The following C1orf21 variants were observed in gnomAD, a reference collection of about 807,000 sequenced individuals.
C1orf21 encodes chromosome 1 open reading frame 21.
Under a neutral mutation model 18.7 loss-of-function variants are expected in C1orf21, and 3 were observed. The ratio of observed to expected loss-of-function variants is 0.16; its 90% confidence interval spans 0.07 to 0.42. C1orf21 has a LOEUF of 0.42. Ranked by LOEUF, C1orf21 falls within the 10% of genes least tolerant of loss-of-function variation. C1orf21 has a pLI of 0.99. For missense variants in C1orf21, 104 were observed against 143.6 expected, an observed-to-expected ratio of 0.72 and a Z score of 1.41; for synonymous variants, 41 against 46.4, an observed-to-expected ratio of 0.88 and a Z score of 0.47.
intron 3 of C1orf21, among the ~76,000 whole-genome samples, chr1:184,531,179 C>A (rs1658457202): frequency 6.6e-6 from 1 of 152,310 alleles, no homozygotes; most frequent in South Asian, 2.1e-4. Flanking sequence ...GAACACAGAG[C>A]ATTTCCCATC....
At chr1:184,456,037 A>G (rs1452295249) in intron 1 of C1orf21, among the ~76,000 whole-genome samples, 1 of 152,128 alleles carries the variant, frequency 6.6e-6, no homozygotes, top group Non-Finnish European at 1.5e-5. Flanking sequence ...GCCAGAGGTA[A>G]GACCCTCTCA....
At chr1:184,396,811 A>G (rs1434687225) in intron 1 of C1orf21, among the ~76,000 whole-genome samples, 1 of 152,074 alleles carries the variant, frequency 6.6e-6, no homozygotes, top group African/African-American at 2.4e-5. Flanking sequence ...AGTTTATTTG[A>G]TTAATGCTAA....
rs1209733912 is a variant in C1orf21 at position 184,624,506 on chromosome 1, CTG to C, written c.*4952_*4953del. ...CCAAGTCTTGTTGTTTCATCACAAA[CTG>C]TATCTTTTTAAGGTTAAAAGTCTTG... On this transcript the variant is annotated 3_prime_UTR_variant, in exon 6 of 6. Transcript: ENST00000235307. 2 of 152,146 alleles carry C rather than the reference CTG, an allele frequency of 1.3e-5. No homozygotes were observed. Among genetic ancestry groups the C allele is most frequent in the Non-Finnish European group, 2.9e-5 (2 of 68,036 alleles). The allele number at this position is 152,146 out of a possible 1,614,324, so 9.4% of individuals were successfully genotyped here.
chr1:184,615,063 T>C (rs565300704), intron 5 of C1orf21, among the ~76,000 whole-genome samples: 1 of 152,350 alleles, frequency 6.6e-6, no homozygotes, highest in African/African-American at 2.4e-5. Flanking sequence ...CTTTGAGCTG[T>C]TGCTCTTTAA....
intron 3 of C1orf21, among the ~76,000 whole-genome samples, chr1:184,571,267 A>G (rs569444413): frequency 4.9e-4 from 69 of 141,342 alleles, no homozygotes; most frequent in Non-Finnish European, 7.2e-4. Flanking sequence ...ACTGCACTCC[A>G]GCCTGGGCGA....
chr1:184,574,730 T>C (rs1659162220), intron 3 of C1orf21, among the ~76,000 whole-genome samples: 2 of 152,218 alleles, frequency 1.3e-5, no homozygotes. Context: ...AATGTGCTTA[T>C]TATATCTTTA....
chr1:184,446,332 C>T (rs1657029651), intron 1 of C1orf21, among the ~76,000 whole-genome samples: 1 of 152,026 alleles, frequency 6.6e-6, no homozygotes, highest in African/African-American at 2.4e-5. Flanking sequence ...ATTCTTCAGC[C>T]TCACCTTTTT....
intron 3 of C1orf21, among the ~76,000 whole-genome samples, chr1:184,569,204 A>G (rs188496850): frequency 8.5e-5 from 13 of 152,304 alleles, no homozygotes; most frequent in Non-Finnish European, 1.9e-4. Context: ...TACCTTGACT[A>G]GCTTCTGCAG....
At chr1:184,493,687 T>A (rs1468760291) in intron 2 of C1orf21, among the ~76,000 whole-genome samples, 1 of 152,256 alleles carries the variant, frequency 6.6e-6, no homozygotes, top group Non-Finnish European at 1.5e-5. Context: ...TTTGCATTTA[T>A]TGTGTTAGCT....
intron 3 of C1orf21, among the ~76,000 whole-genome samples, chr1:184,539,678 T>C (rs1352686896): frequency 5.3e-5 from 8 of 152,214 alleles, no homozygotes; most frequent in Non-Finnish European, 1.2e-4. Flanking sequence ...CTGCAAAGTT[T>C]CTTTATATGG....
intron 2 of C1orf21, among the ~76,000 whole-genome samples, chr1:184,494,973 C>T (rs1571385018): frequency 1.3e-5 from 2 of 152,166 alleles, no homozygotes; most frequent in Non-Finnish European, 2.9e-5. Flanking sequence ...CAGGGCATGG[C>T]CCAAGTGAGG....
intron 4 of C1orf21, among the ~76,000 whole-genome samples, chr1:184,592,970 C>T (rs563917727): frequency 2.0e-5 from 3 of 152,242 alleles, no homozygotes; most frequent in African/African-American, 7.2e-5. Context: ...GTGCTATGGC[C>T]GCAACCTCCC....
Position 184,514,940 on chromosome 1 carries a change from A to G in C1orf21, c.189+7258A>G, listed in dbSNP as rs1015990117. Reference sequence around the variant, plus strand: ...GGTATCCATATATGTATAGTTATTCATAGATTAAAAACTGGGTGGATGTAT... The same window carrying G: ...GGTATCCATATATGTATAGTTATTCGTAGATTAAAAACTGGGTGGATGTAT... On this transcript the variant is annotated intron_variant, in intron 3 of 5. Transcript: ENST00000235307. Among the ~76,000 whole-genome samples the G allele has an allele frequency of 2.6e-5, 4 of 152,360 alleles. No individual in the cohort carries two copies. In the East Asian group the frequency reaches 7.7e-4, roughly 29 times the overall value.
chr1:184,604,017 T>C (rs946432132), intron 5 of C1orf21, among the ~76,000 whole-genome samples: 2 of 152,214 alleles, frequency 1.3e-5, no homozygotes, highest in Non-Finnish European at 2.9e-5. Context: ...GTCTGATCCA[T>C]GTTATGAGTC....
chr1:184,611,236 CT>C (rs1420686752), intron 5 of C1orf21, among the ~76,000 whole-genome samples: 1 of 152,146 alleles, frequency 6.6e-6, no homozygotes, highest in Non-Finnish European at 1.5e-5. Context: ...TTATTTTTTG[CT>C]TTTCTTCAGT....
intron 3 of C1orf21, among the ~76,000 whole-genome samples, chr1:184,550,526 C>CTTTG (rs541679341): frequency 9.5e-4 from 144 of 152,016 alleles, no homozygotes; most frequent in African/African-American, 2.8e-3. Flanking sequence ...TTGTTTGTTT[C>CTTTG]TTTGTTTGTT....
chr1:184,411,485 A>T (rs905582473), intron 1 of C1orf21, among the ~76,000 whole-genome samples: 3 of 141,520 alleles, frequency 2.1e-5, no homozygotes, highest in African/African-American at 8.1e-5. Flanking sequence ...GCAGTGGTGC[A>T]ATCTCGGCTC....
chr1:184,533,986 C>A (rs1184103949), intron 3 of C1orf21, among the ~76,000 whole-genome samples: 1 of 152,202 alleles, frequency 6.6e-6, no homozygotes, highest in Non-Finnish European at 1.5e-5. Context: ...TCTGATTCGA[C>A]CCAAGAGTGG....
Position 184,425,058 on chromosome 1 carries a change from C to T in C1orf21, c.-125+37690C>T, listed in dbSNP as rs188448821. Reference sequence around the variant, plus strand: ...TAAATGTCACACCATTGGCTTTGCCCCATCTAATTAATAGTGGAATAAGGC... The same window carrying T: ...TAAATGTCACACCATTGGCTTTGCCTCATCTAATTAATAGTGGAATAAGGC... On this transcript the variant is annotated intron_variant, in intron 1 of 5. Transcript: ENST00000235307. 9.5e-4 allele frequency among the ~76,000 whole-genome samples: 145 copies of T among 152,126 alleles called. 2 individuals are homozygous for T. The highest frequency in any genetic ancestry group is 6.3e-3 in the Admixed American group (97 of 15,282).
Sources: allele counts gnomAD v4.1 joint callset (sites outside exome capture counted in the v4.1 genomes callset), GRCh38; gene constraint gnomAD v4.1.1; transcripts MANE v1.5; gene names NCBI Gene and HGNC (gene_info 2026-07-23, HGNC 2026-07-21).